Variants in MTFMT observed in about 807,000 individuals in gnomAD.
MTFMT encodes mitochondrial methionyl-tRNA formyltransferase.
In MTFMT, 47 loss-of-function variants were observed where a neutral mutation model predicts 51.8. The observed-to-expected ratio is 0.91, with a 90% confidence interval of 0.72 to 1.16. MTFMT has a LOEUF of 1.16. MTFMT is among the 50% of genes most tolerant of loss of function. The pLI is 0.00. For synonymous variants in MTFMT, 196 were observed against 176.7 expected (o/e 1.11, Z -0.87); for missense variants, 512 against 482.3 (o/e 1.06, Z -0.58).
At chr15:65,007,912 C>A (rs1045411825) in intron 6 of MTFMT, among the ~76,000 whole-genome samples, 7 of 151,880 alleles carry the variant, frequency 4.6e-5, no homozygotes, top group African/African-American at 1.5e-4. Flanking sequence ...GCCATTTTTT[C>A]CATGCATAAG....
intron 3 of MTFMT, among the ~76,000 whole-genome samples, chr15:65,022,498 A>C (rs2086382794): frequency 6.6e-6 from 1 of 150,800 alleles, no homozygotes; most frequent in African/African-American, 2.4e-5. Flanking sequence ...GCATTCCCAC[A>C]AGTCTGACAT....
intron 8 of MTFMT, among the ~76,000 whole-genome samples, chr15:65,003,845 C>CA (rs768884218): frequency 0.64 from 25,920 of 40,570 alleles, 8,598 homozygotes; most frequent in East Asian, 0.89. Context: ...AACTCCATCT[C>CA]AAAAAAAAAA....
chr15:65,006,867 T>C (rs1272971664), intron 6 of MTFMT, among the ~76,000 whole-genome samples: 1 of 152,210 alleles, frequency 6.6e-6, no homozygotes, highest in Non-Finnish European at 1.5e-5. Context: ...TGCATTTCCC[T>C]GTATTTTTTT....
chr15:65,017,477 G>A (rs2140482524), intron 5 of MTFMT, among the ~76,000 whole-genome samples: 1 of 152,260 alleles, frequency 6.6e-6, no homozygotes, highest in Admixed American at 6.5e-5. Context: ...TAAGACATCT[G>A]TTGGGTTAAT....
chr15:65,020,087 C>A, intron 5 of MTFMT, 110 bp downstream of exon 5: 3 of 932,266 alleles, frequency 3.2e-6, no homozygotes, highest in Non-Finnish European at 4.8e-6. Flanking sequence ...CAAAAGTGGG[C>A]ACTCAATCAA....
chr15:65,010,580 TACC>T (rs1476789778), intron 6 of MTFMT, among the ~76,000 whole-genome samples: 1 of 152,218 alleles, frequency 6.6e-6, no homozygotes, highest in Non-Finnish European at 1.5e-5. Context: ...TATGGCTATA[TACC>T]ACATTTTTTT....
At chr15:65,022,933 T>C (rs1216328725) in intron 3 of MTFMT, among the ~76,000 whole-genome samples, 1 of 152,028 alleles carries the variant, frequency 6.6e-6, no homozygotes, top group African/African-American at 2.4e-5. Flanking sequence ...CAAGTGATCC[T>C]CCCACCTCGG....
In MTFMT at chr15:65,003,044, T is replaced by C. The variant is rs775056172; in HGVS notation, c.*18A>G. ...AAATTACAAATATGTAATAGGTTTT[T>C]ATCCATCTTCTTCCTAACTACTCAA... On this transcript the variant is annotated 3_prime_UTR_variant, in exon 9 of 9. Coordinates refer to ENST00000220058, the MANE Select transcript of MTFMT (RefSeq NM_139242.4). 1.1e-5 allele frequency: 16 copies of C among 1,447,680 alleles called. No individual in the cohort carries two copies. The highest frequency in any genetic ancestry group is 1.2e-5 in the Non-Finnish European group (13 of 1,082,458). 89.7% of individuals were successfully genotyped at this position (1,447,680 alleles called of 1,614,324 possible). A position where few individuals can be genotyped will look rare whatever the true frequency, so the allele number is the denominator to read the frequency against.
At chr15:65,016,414 G>T in intron 6 of MTFMT, 22 bp downstream of exon 6, 2 of 1,498,852 alleles carry the variant, frequency 1.3e-6, no homozygotes, top group Non-Finnish European at 9.2e-7. Context: ...AGGTAGAACT[G>T]CAACCTGACT....
At position 65,029,449 on chromosome 15, in the gene MTFMT, C is replaced by G. The variant is rs1381858089; in HGVS notation, c.165G>C (p.Thr55=). 5 of 1,526,692 alleles carry G rather than the reference C, an allele frequency of 3.3e-6. No homozygotes were observed. Among genetic ancestry groups the G allele is most frequent in the South Asian group, 1.2e-5 (1 of 81,632 alleles). The allele number at this position is 1,526,692 out of a possible 1,614,324, so 94.6% of individuals were successfully genotyped here. The change falls in exon 1 of 9, where the codon ACG becomes ACC. Residue 55 remains threonine (T), a synonymous_variant. Transcript: ENST00000220058. Reference sequence around the variant, plus strand: ...GCAGCGCCTCGCGGGCGAACTGGTCCGTGCCGAAGAAGAGCACCCGCCAGG... The same window carrying G: ...GCAGCGCCTCGCGGGCGAACTGGTCGGTGCCGAAGAAGAGCACCCGCCAGG... The part of the protein sequence containing the change: ...KPPWRVLFFG[T]DQFAREALRA...
Position 65,029,596 on chromosome 15 carries a change from C to T in MTFMT, c.18G>A (p.Arg6=), listed in dbSNP as rs1480256934. 7.5e-6 allele frequency: 11 copies of T among 1,460,472 alleles called. No homozygotes were observed. Among genetic ancestry groups the T allele is most frequent in the Non-Finnish European group, 1.0e-5 (11 of 1,103,528 alleles). 90.5% of individuals were successfully genotyped at this position (1,460,472 alleles called of 1,614,324 possible). MRVLV[R]RCWGPPLAHG... ...GAGCCAGCGGAGGACCCCAACAGCGCCGCACCAACACCCTCATCGCCTCGG... is the reference window on the plus strand; with the variant it reads ...GAGCCAGCGGAGGACCCCAACAGCGTCGCACCAACACCCTCATCGCCTCGG... Residue 6 remains arginine, a synonymous_variant, in exon 1 of 9, where the codon CGG becomes CGA. Coordinates refer to ENST00000220058, the MANE Select transcript of MTFMT (RefSeq NM_139242.4).
intron 6 of MTFMT, among the ~76,000 whole-genome samples, chr15:65,007,888 T>C (rs1356183813): frequency 6.6e-6 from 1 of 152,176 alleles, no homozygotes; most frequent in Non-Finnish European, 1.5e-5. Context: ...TGTTGACTTT[T>C]AATCTTGGGG....
chr15:65,016,583 A>G, intron 5 of MTFMT, 56 bp from the exon 6 acceptor site: 2 of 1,148,958 alleles, frequency 1.7e-6, no homozygotes, highest in Non-Finnish European at 2.6e-6. Flanking sequence ...CCATGAATTG[A>G]CAGCTATTGA....
chr15:65,020,348 G>A, intron 4 of MTFMT, 76 bp from the exon 5 acceptor site: 1 of 1,219,886 alleles, frequency 8.2e-7, no homozygotes, highest in Non-Finnish European at 1.2e-6. Flanking sequence ...TTACAATTCA[G>A]CACCATGAAA....
intron 6 of MTFMT, among the ~76,000 whole-genome samples, chr15:65,009,711 T>C (rs2086247852): frequency 6.6e-6 from 1 of 151,454 alleles, no homozygotes; most frequent in Admixed American, 6.6e-5. Context: ...GGAAGTGCAG[T>C]GGTGGAATCA....
intron 7 of MTFMT, 57 bp downstream of exon 7, chr15:65,006,056 T>C: frequency 8.0e-7 from 1 of 1,244,342 alleles, no homozygotes; most frequent in Non-Finnish European, 1.2e-6. Context: ...AACAGACGTA[T>C]TTCCAGATAC....
At chr15:65,006,068 C>T in intron 7 of MTFMT, 45 bp downstream of exon 7, 1 of 1,370,182 alleles carries the variant, frequency 7.3e-7, no homozygotes, top group Non-Finnish European at 1.0e-6. Context: ...TCCAGATACA[C>T]TACAGTGAAA....
rs767478510 is a variant in MTFMT at position 65,023,718 on chromosome 15, C to T, written c.496G>A (p.Gly166Arg). Reference protein sequence around the residue: ...PAPVIHTVLHGDTVTGVTIMQ... With the variant: ...PAPVIHTVLHRDTVTGVTIMQ... ...ATTGTTACTCCAGTAACTGTGTCTC[C>T]GTGAAGCACTGTATGGATTACAGGG... The change falls in exon 3 of 9, where the codon GGA (glycine) becomes AGA (arginine). Residue 166 changes from glycine (G) to arginine (R), a missense_variant. Gly to Arg is a moderately radical substitution (Grantham distance 125). Coordinates refer to ENST00000220058, the MANE Select transcript of MTFMT (RefSeq NM_139242.4). The T allele has an allele frequency of 5.6e-6, 9 of 1,613,578 alleles. No homozygotes were observed. The East Asian group carries it at 1.3e-4, about 24-fold the overall frequency.
chr15:65,018,334 T>G (rs141191845), intron 5 of MTFMT, among the ~76,000 whole-genome samples: 1 of 152,102 alleles, frequency 6.6e-6, no homozygotes, highest in Non-Finnish European at 1.5e-5. Flanking sequence ...TAAATCTTAC[T>G]TAGTATTTTT....
Sources: gnomAD v4.1 joint callset for allele counts (sites outside exome capture counted in the v4.1 genomes callset) on GRCh38, gnomAD v4.1.1 for gene constraint, MANE v1.5 for transcripts, NCBI Gene and HGNC (gene_info 2026-07-23, HGNC 2026-07-21) for gene names.